ACACB: variants seen among roughly 807,000 people sequenced by gnomAD.
ACACB encodes acetyl-CoA carboxylase beta.
In ACACB, 209 loss-of-function variants were observed where a neutral mutation model predicts 278.8. The ratio of observed to expected loss-of-function variants is 0.75; its 90% CI spans 0.67 to 0.84. The LOEUF (loss-of-function observed/expected upper bound fraction) is 0.84, where lower values mean the gene tolerates loss of function less well. Ranked by LOEUF, ACACB falls within the 40% of genes least tolerant of loss-of-function variation. The pLI is 0.00. For synonymous variants in ACACB, 1,174 were observed against 1,285.6 expected, an observed-to-expected ratio of 0.91 and a Z score of 1.86; for missense variants, 2,850 against 3,269.0, an observed-to-expected ratio of 0.87 and a Z score of 3.13.
Position 109,266,497 on chromosome 12 carries a change from T to C in ACACB, c.*135T>C, listed in dbSNP as rs2136881108. ...CTGGGCACTTCTGCAGGGCTGCTGGTTCCGAGCTGACACCCGTCTTAACAA... is the reference window on the plus strand; with the variant it reads ...CTGGGCACTTCTGCAGGGCTGCTGGCTCCGAGCTGACACCCGTCTTAACAA... On this transcript the variant is annotated 3_prime_UTR_variant, in exon 53 of 53. Coordinates refer to ENST00000338432, the MANE Select transcript of ACACB (RefSeq NM_001093.4). 1 of 1,164,414 alleles carries C rather than the reference T, an allele frequency of 8.6e-7. No individual in the cohort carries two copies. Among genetic ancestry groups the C allele is most frequent in the East Asian group, 2.9e-5 (1 of 34,196 alleles). 72.1% of individuals were successfully genotyped at this position (1,164,414 alleles called of 1,614,324 possible).
At chr12:109,240,802 G>C (rs984438171) in intron 35 of ACACB, among the ~76,000 whole-genome samples, 1 of 151,932 alleles carries the variant, frequency 6.6e-6, no homozygotes, top group Admixed American at 6.6e-5. Flanking sequence ...AGCAGTACTA[G>C]TTCAGTCACT....
chr12:109,254,354 G>A lies in ACACB; in HGVS notation c.6166+20G>A, dbSNP rs1374240378. The stretch of plus-strand genomic sequence containing the variant: ...ACCCAAGTAAGTTCTAAAGTATTTT[G>A]CCTAGGACCTGGTCTCGGGTTTCTT... On this transcript the variant is annotated intron_variant, in intron 44 of 52. Transcript: ENST00000338432. 5 of 1,600,752 alleles carry A rather than the reference G, an allele frequency of 3.1e-6. No homozygotes were observed. Among genetic ancestry groups the A allele is most frequent in the Non-Finnish European group, 4.3e-6 (5 of 1,175,272 alleles).
intron 1 of ACACB, among the ~76,000 whole-genome samples, chr12:109,132,135 G>A (rs2042844609): frequency 6.6e-6 from 1 of 152,020 alleles, no homozygotes; most frequent in Non-Finnish European, 1.5e-5. Context: ...AAGTCAAATA[G>A]TGACAATGAC....
intron 16 of ACACB, among the ~76,000 whole-genome samples, chr12:109,194,204 GTTGTTT>G (rs1487236960): frequency 1.3e-5 from 2 of 151,672 alleles, no homozygotes; most frequent in Non-Finnish European, 2.9e-5. Flanking sequence ...TGTTGTTGTT[GTTGTTT>G]TTTCAAACGG....
chr12:109,122,490 T>C (rs1250297463), intron 1 of ACACB, among the ~76,000 whole-genome samples: 1 of 149,580 alleles, frequency 6.7e-6, no homozygotes, highest in Non-Finnish European at 1.5e-5. Flanking sequence ...GGGGGATTGC[T>C]TGAGCCCAGG....
chr12:109,186,654 C>A (rs971312790), intron 12 of ACACB, among the ~76,000 whole-genome samples: 1 of 152,084 alleles, frequency 6.6e-6, no homozygotes, highest in South Asian at 2.1e-4. Context: ...TTAATTATTA[C>A]CCTCAGGAAA....
chr12:109,151,076 C>A (rs2043362329), intron 2 of ACACB, among the ~76,000 whole-genome samples: 2 of 150,136 alleles, frequency 1.3e-5, no homozygotes, highest in African/African-American at 4.9e-5. Context: ...CCGCCCGGGT[C>A]CCGGTTCAAG....
At position 109,239,940 on chromosome 12, in the gene ACACB, C is replaced by T; in HGVS notation, c.4773C>T (p.His1591=). 1 of 1,614,208 alleles carries T rather than the reference C, an allele frequency of 6.2e-7. No individual in the cohort carries two copies. Among genetic ancestry groups the T allele is most frequent in the South Asian group, 1.1e-5 (1 of 91,078 alleles). ...CCAGCGTGCGCACCGACTGCAACCACATCTTCCTCAACTTCGTGCCCACTG... is the reference window on the plus strand; with the variant it reads ...CCAGCGTGCGCACCGACTGCAACCATATCTTCCTCAACTTCGTGCCCACTG... ...NNTSVRTDCN[H]IFLNFVPTVI... The change falls in exon 35 of 53, where the codon CAC becomes CAT. Residue 1591 remains histidine (H), a synonymous_variant. Coordinates refer to ENST00000338432, the MANE Select transcript of ACACB (RefSeq NM_001093.4).
chr12:109,210,514 C>T (rs2045803082), intron 21 of ACACB, among the ~76,000 whole-genome samples: 2 of 147,464 alleles, frequency 1.4e-5, no homozygotes, highest in African/African-American at 2.5e-5. Flanking sequence ...TATATACGCA[C>T]ATACATGTGT....
chr12:109,252,876 G>T, intron 42 of ACACB, 139 bp from the exon 43 acceptor site: 1 of 798,488 alleles, frequency 1.3e-6, no homozygotes, highest in Non-Finnish European at 1.8e-6. Flanking sequence ...TCTGGATGTA[G>T]CCTGAGCATC....
intron 2 of ACACB, among the ~76,000 whole-genome samples, chr12:109,140,714 C>T (rs909989668): frequency 2.6e-5 from 4 of 151,880 alleles, no homozygotes; most frequent in African/African-American, 4.8e-5. Context: ...GCACAGGGCT[C>T]GATGCCATGA....
chr12:109,226,079 C>A (rs919073399), intron 27 of ACACB, among the ~76,000 whole-genome samples: 20 of 151,492 alleles, frequency 1.3e-4, no homozygotes, highest in African/African-American at 4.8e-4. Context: ...CCAGCCTGGG[C>A]AACATAGGAA....
chr12:109,190,988 C>T (rs576099992), intron 13 of ACACB, among the ~76,000 whole-genome samples: 4 of 152,228 alleles, frequency 2.6e-5, no homozygotes, highest in African/African-American at 7.2e-5. Context: ...TAACTAATCA[C>T]GTTCATTGTA....
rs960026549 is a variant in ACACB, at chr12:109,223,268, C to G, written c.3792+356C>G. On this transcript the variant is annotated intron_variant, in intron 26 of 52. Coordinates refer to ENST00000338432, the MANE Select transcript of ACACB (RefSeq NM_001093.4). ...CTATTCCTGGACTCTGGCTCATTTA[C>G]ATGTTCTCAGGTACCCCCTCAGTGC... Among the ~76,000 whole-genome samples the G allele has an allele frequency of 2.6e-5, 4 of 152,270 alleles. No individual in the cohort carries two copies. The East Asian group carries it at 7.7e-4, about 29-fold the overall frequency.
rs996414097 is a variant in ACACB, at chr12:109,190,872, C to T, written c.2145-741C>T. 4.6e-5 allele frequency among the ~76,000 whole-genome samples: 7 copies of T among 152,058 alleles called. No individual in the cohort carries two copies. In the East Asian group the frequency reaches 5.8e-4, roughly 13 times the overall value. The stretch of plus-strand genomic sequence containing the variant: ...GAACTCATGCCTCAAGCAATCCTCC[C>T]GCCTCAGACTCCCAAAGCAGTGGGA... On this transcript the variant is annotated intron_variant, in intron 13 of 52. Coordinates refer to ENST00000338432, the MANE Select transcript of ACACB (RefSeq NM_001093.4).
At chr12:109,247,229 G>A (rs1039601262) in intron 39 of ACACB, among the ~76,000 whole-genome samples, 2 of 152,060 alleles carry the variant, frequency 1.3e-5, no homozygotes, top group African/African-American at 2.4e-5. Flanking sequence ...TCTCGGGGGC[G>A]ATATTGCCCA....
chr12:109,210,548 TATATATAC>T (rs1437512686), intron 21 of ACACB, among the ~76,000 whole-genome samples: 14 of 148,898 alleles, frequency 9.4e-5, no homozygotes, highest in Admixed American at 8.1e-4. Context: ...TACGTGCATG[TATATATAC>T]ATATATACAT....
At chr12:109,140,943 T>TA (rs1190246210) in intron 2 of ACACB, among the ~76,000 whole-genome samples, 2 of 148,692 alleles carry the variant, frequency 1.3e-5, no homozygotes, top group African/African-American at 4.9e-5. Flanking sequence ...GTCACTCTGT[T>TA]AGCTGAGTGT....
intron 4 of ACACB, 60 bp from the exon 5 acceptor site, chr12:109,171,745 T>C: frequency 7.8e-7 from 1 of 1,277,348 alleles, no homozygotes; most frequent in Non-Finnish European, 1.1e-6. Flanking sequence ...TCTTGTAATG[T>C]TCTGCCATTG....
Sources: gnomAD v4.1 joint callset for allele counts (sites outside exome capture counted in the v4.1 genomes callset) on GRCh38, gnomAD v4.1.1 for gene constraint, MANE v1.5 for transcripts, NCBI Gene and HGNC (gene_info 2026-07-23, HGNC 2026-07-21) for gene names.